RBBP8: variants seen among roughly 807,000 people sequenced by gnomAD.
RBBP8 encodes the protein RB binding protein 8, endonuclease, also known as DNA endonuclease RBBP8.
RBBP8 carries 88 observed loss-of-function variants against 108.3 expected under a neutral mutation model. The ratio of observed to expected loss-of-function variants is 0.81; its 90% confidence interval spans 0.68 to 0.97. The LOEUF (loss-of-function observed/expected upper bound fraction) is 0.97. RBBP8 is among the 50% of genes least tolerant of loss of function. RBBP8 has a pLI of 0.00. For missense variants in RBBP8, 1,023 were observed against 1,049.0 expected, an observed-to-expected ratio of 0.98 and a Z score of 0.34; for synonymous variants, 332 against 348.2, an observed-to-expected ratio of 0.95 and a Z score of 0.52.
intron 3 of RBBP8, among the ~76,000 whole-genome samples, chr18:22,921,658 C>A: frequency 6.6e-6 from 1 of 152,136 alleles, no homozygotes; most frequent in East Asian, 1.9e-4. Context: ...ACAGCAATTT[C>A]AAATGGAGAG....
At chr18:22,995,643 A>G (rs1241013353) in intron 12 of RBBP8, among the ~76,000 whole-genome samples, 2 of 152,206 alleles carry the variant, frequency 1.3e-5, no homozygotes, top group Admixed American at 1.3e-4. Flanking sequence ...GAGTTTTCAT[A>G]TAAATGGAAT....
At chr18:22,970,254 A>G (rs1326319910) in intron 5 of RBBP8, among the ~76,000 whole-genome samples, 1 of 152,146 alleles carries the variant, frequency 6.6e-6, no homozygotes, top group East Asian at 1.9e-4. Flanking sequence ...GAACTCACAG[A>G]TATAGAAGGC....
intron 4 of RBBP8, among the ~76,000 whole-genome samples, chr18:22,967,931 G>A (rs923648087): frequency 9.9e-5 from 15 of 152,118 alleles, no homozygotes; most frequent in African/African-American, 3.6e-4. Flanking sequence ...ACAGGCGTGA[G>A]CCACTGTGCC....
At chr18:22,931,557 A>T (rs1470649119), upstream of RBBP8, among the ~76,000 whole-genome samples, 1 of 152,190 alleles carries the variant, frequency 6.6e-6, no homozygotes, top group African/African-American at 2.4e-5. Context: ...TTTAAAATGG[A>T]TTATAATCAT....
chr18:22,963,023 A>G (rs1474492847), intron 4 of RBBP8, among the ~76,000 whole-genome samples: 1 of 151,886 alleles, frequency 6.6e-6, no homozygotes, highest in African/African-American at 2.4e-5. Context: ...GATCTTTCTC[A>G]TCTTTATAAT....
At position 22,927,924 on chromosome 18, in the gene RBBP8, CAG is replaced by C. The variant is rs1909853388; in HGVS notation, c.-153-1458_-153-1457del. Among the ~76,000 whole-genome samples the C allele has an allele frequency of 3.4e-5, 5 of 146,794 alleles. No individual in the cohort carries two copies. The South Asian group carries it at 1.1e-3, about 32-fold the overall frequency. On this transcript the variant is annotated intron_variant, in intron 3 of 4. Coordinates refer to the RBBP8 transcript ENST00000577588. Reference sequence around the variant, plus strand: ...AATTAAAAAAAAAAAAGCAGGAAAACAGGGCTGGGCGTGGTGGCTCATGCCTG... The same window carrying C: ...AATTAAAAAAAAAAAAGCAGGAAAACGGCTGGGCGTGGTGGCTCATGCCTG...
At chr18:23,005,284 G>A (rs2046021768) in intron 15 of RBBP8, among the ~76,000 whole-genome samples, 1 of 152,214 alleles carries the variant, frequency 6.6e-6, no homozygotes, top group Non-Finnish European at 1.5e-5. Flanking sequence ...CACAGATTTT[G>A]AATGTTCCCA....
At chr18:23,018,561 C>G (rs1042302791) in intron 17 of RBBP8, among the ~76,000 whole-genome samples, 1 of 152,158 alleles carries the variant, frequency 6.6e-6, no homozygotes, top group Non-Finnish European at 1.5e-5. Flanking sequence ...TGCCTATAAC[C>G]TATGCATATT....
In RBBP8 at chr18:22,962,867, C is replaced by T. The variant is rs902998375; in HGVS notation, c.249-5939C>T. On this transcript the variant is annotated intron_variant, in intron 4 of 18. Transcript: ENST00000327155. Reference sequence around the variant, plus strand: ...CCACGTGCCTCAGCCTCCCAAAGTACTGGAGTTACAGGCATGAGCCACCGC... The same window carrying T: ...CCACGTGCCTCAGCCTCCCAAAGTATTGGAGTTACAGGCATGAGCCACCGC... Among the ~76,000 whole-genome samples, 20 of 152,286 alleles carry T rather than the reference C, an allele frequency of 1.3e-4. No homozygotes were observed. The East Asian group carries it at 3.5e-3, about 26-fold the overall frequency.
intron 3 of RBBP8, among the ~76,000 whole-genome samples, chr18:22,922,553 C>T (rs2144339512): frequency 6.6e-6 from 1 of 152,266 alleles, no homozygotes; most frequent in East Asian, 1.9e-4. Flanking sequence ...ACCTCCACCT[C>T]CCAGGCTGAA....
At chr18:23,010,035 C>G (rs1466323160) in intron 16 of RBBP8, among the ~76,000 whole-genome samples, 1 of 151,694 alleles carries the variant, frequency 6.6e-6, no homozygotes, top group African/African-American at 2.4e-5. Context: ...GCTGGGATTA[C>G]AGGCATGAGC....
intron 11 of RBBP8, 39 bp downstream of exon 11, chr18:22,993,678 T>A (rs1311087848): frequency 3.7e-6 from 6 of 1,614,102 alleles, no homozygotes; most frequent in Non-Finnish European, 5.1e-6. Context: ...TTAAAATGAT[T>A]GCTTGTGATT....
At chr18:22,923,181 A>G (rs1909666071) in intron 3 of RBBP8, among the ~76,000 whole-genome samples, 1 of 152,138 alleles carries the variant, frequency 6.6e-6, no homozygotes, top group Non-Finnish European at 1.5e-5. Context: ...CCTATCAACA[A>G]TCCTGCAAAA....
At position 22,993,155 on chromosome 18, in the gene RBBP8, G is replaced by C; in HGVS notation, c.1328G>C (p.Arg443Pro). ...HLEPLKSLGGRTSKRKKTEEE... is the reference protein window; with the variant it reads ...HLEPLKSLGGPTSKRKKTEEE... Reference sequence around the variant, plus strand: ...GAGCCCCTGAAATCATTGGGAGGCCGAACATCCAAAAGGAAGAAAACTGAG... The same window carrying C: ...GAGCCCCTGAAATCATTGGGAGGCCCAACATCCAAAAGGAAGAAAACTGAG... The change falls in exon 11 of 19, where the codon CGA becomes CCA. Residue 443 changes from arginine to proline, a missense_variant. Coordinates refer to ENST00000327155, the MANE Select transcript of RBBP8 (RefSeq NM_002894.3). 2 of 1,614,096 alleles carry C rather than the reference G, an allele frequency of 1.2e-6. No individual in the cohort carries two copies. The highest frequency in any genetic ancestry group is 1.7e-6 in the Non-Finnish European group (2 of 1,179,988).
chr18:22,996,649 G>T (rs1329253468), intron 13 of RBBP8, among the ~76,000 whole-genome samples, 187 bp downstream of exon 13: 2 of 152,078 alleles, frequency 1.3e-5, no homozygotes, highest in Non-Finnish European at 2.9e-5. Flanking sequence ...TTTTTAAAGG[G>T]TAATACTTTC....
rs114532886 is a variant in RBBP8 at position 22,965,386 on chromosome 18, C to A, written c.249-3420C>A. On this transcript the variant is annotated intron_variant, in intron 4 of 18. Coordinates refer to ENST00000327155, the MANE Select transcript of RBBP8 (RefSeq NM_002894.3). ...TTAGAATGATCTGGCTGGTCTGTTT[C>A]CTCGAAGATGCCCTAATGTCAGTAC... Among the ~76,000 whole-genome samples the A allele has an allele frequency of 8.4e-3, 1,272 of 152,154 alleles. 21 individuals carry two copies. The highest frequency in any genetic ancestry group is 0.029 in the African/African-American group (1,224 of 41,512).
intron 17 of RBBP8, among the ~76,000 whole-genome samples, chr18:23,020,385 C>T (rs1343198332): frequency 6.6e-6 from 1 of 151,964 alleles, no homozygotes; most frequent in Non-Finnish European, 1.5e-5. Context: ...TGCTCCATTG[C>T]ACTCCAGCCT....
chr18:23,005,603 G>C (rs1301162190), intron 15 of RBBP8, among the ~76,000 whole-genome samples: 1 of 151,970 alleles, frequency 6.6e-6, no homozygotes, highest in Non-Finnish European at 1.5e-5. Flanking sequence ...AGTAGAGACA[G>C]GGTTTCACCA....
chr18:22,974,651 G>A (rs1232319779), intron 5 of RBBP8, among the ~76,000 whole-genome samples: 2 of 152,070 alleles, frequency 1.3e-5, no homozygotes, highest in African/African-American at 4.8e-5. Flanking sequence ...GTGGAGACGG[G>A]GTTTCACCAT....
Sources: allele counts gnomAD v4.1 joint callset (sites outside exome capture counted in the v4.1 genomes callset), GRCh38; gene constraint gnomAD v4.1.1; transcripts MANE v1.5; gene names NCBI Gene and HGNC (gene_info 2026-07-23, HGNC 2026-07-21).